The following TRIM66 variants were observed in gnomAD, a reference collection of about 807,000 sequenced individuals.
The protein encoded by TRIM66 is tripartite motif-containing protein 66.
TRIM66 carries 99 observed loss-of-function variants against 148.2 expected under a neutral mutation model. The ratio of observed to expected loss-of-function variants is 0.67; its 90% CI spans 0.57 to 0.79. TRIM66 has a LOEUF of 0.79. TRIM66 is among the 30% of genes least tolerant of loss of function. The pLI is 0.00. For synonymous variants in TRIM66, 616 were observed against 635.9 expected (o/e 0.97, Z 0.47); for missense variants, 1,666 against 1,697.9 (o/e 0.98, Z 0.33).
At chr11:8,621,571 A>C in intron 19 of TRIM66, 74 bp downstream of exon 19, 1 of 1,450,164 alleles carries the variant, frequency 6.9e-7, no homozygotes, top group Non-Finnish European at 9.1e-7. Context: ...CAGAGTCAGA[A>C]TTCGGGCAGT....
At chr11:8,643,447 C>A (rs1185658279) in intron 12 of TRIM66, among the ~76,000 whole-genome samples, 2 of 151,852 alleles carry the variant, frequency 1.3e-5, no homozygotes, top group Non-Finnish European at 2.9e-5. Flanking sequence ...TCACGCCATT[C>A]TCCTGCCTCA....
chr11:8,618,474 G>C (rs2033885280), intron 24 of TRIM66, among the ~76,000 whole-genome samples: 1 of 152,202 alleles, frequency 6.6e-6, no homozygotes, highest in Non-Finnish European at 1.5e-5. Flanking sequence ...CTGGGAATCA[G>C]GACAACTGGT....
intron 1 of TRIM66, among the ~76,000 whole-genome samples, chr11:8,681,741 A>C (rs1171702302): frequency 2.0e-5 from 3 of 152,030 alleles, no homozygotes; most frequent in Non-Finnish European, 4.4e-5. Flanking sequence ...ACAGTCCTTG[A>C]CCACATAAGG....
intron 6 of TRIM66, among the ~76,000 whole-genome samples, chr11:8,656,285 C>T (rs2037822446): frequency 6.6e-6 from 1 of 152,170 alleles, no homozygotes; most frequent in South Asian, 2.1e-4. Context: ...GTTATAAATA[C>T]ATATTTAAAT....
chr11:8,648,392 T>A, intron 9 of TRIM66, 24 bp downstream of exon 9: 2 of 1,550,396 alleles, frequency 1.3e-6, no homozygotes, highest in Non-Finnish European at 1.7e-6. Flanking sequence ...CCCCAGCCCA[T>A]TTCAGGCAGT....
At chr11:8,624,625 A>T in intron 16 of TRIM66, 74 bp from the exon 17 acceptor site, 1 of 1,479,452 alleles carries the variant, frequency 6.8e-7, no homozygotes, top group East Asian at 2.5e-5. Flanking sequence ...AGAACTGTTA[A>T]GCTAAGGTCA....
At chr11:8,683,163 T>A (rs768992297), upstream of TRIM66, 7 of 1,604,270 alleles carry the variant, frequency 4.4e-6, no homozygotes, top group Non-Finnish European at 6.0e-6. Flanking sequence ...CCCCTGCCCC[T>A]AATTCCTTAG....
At chr11:8,657,778 C>A (rs1207207796) in intron 6 of TRIM66, among the ~76,000 whole-genome samples, 1 of 152,200 alleles carries the variant, frequency 6.6e-6, no homozygotes, top group Non-Finnish European at 1.5e-5. Context: ...CAGAGCAGCA[C>A]CACCTTCAAG....
At chr11:8,683,013 T>C (rs2039517019), upstream of TRIM66, 2 of 869,814 alleles carry the variant, frequency 2.3e-6, no homozygotes, top group Non-Finnish European at 1.8e-6. Flanking sequence ...TTCGGATCTC[T>C]AGGACACGCG....
chr11:8,620,927 G>A, intron 20 of TRIM66, 105 bp downstream of exon 20: 1 of 1,412,092 alleles, frequency 7.1e-7, no homozygotes, highest in Non-Finnish European at 9.4e-7. Flanking sequence ...GTCCAGAAGA[G>A]GGGAGTAAGC....
At chr11:8,643,337 C>CTT (rs376014687) in intron 12 of TRIM66, among the ~76,000 whole-genome samples, 38 of 140,534 alleles carry the variant, frequency 2.7e-4, no homozygotes, top group Non-Finnish European at 3.4e-4. Context: ...AACCTACATT[C>CTT]TTTTTTTTTT....
At chr11:8,619,623 T>A in intron 22 of TRIM66, 88 bp from the exon 23 acceptor site, 1 of 1,247,582 alleles carries the variant, frequency 8.0e-7, no homozygotes, top group Non-Finnish European at 1.1e-6. Context: ...AAATGGAAAA[T>A]GAGGTGAAAT....
Position 8,647,980 on chromosome 11 carries a change from T to C in TRIM66, c.832A>G (p.Ile278Val). The change falls in exon 10 of 25, where the codon ATT (isoleucine) becomes GTT (valine). Residue 278 changes from isoleucine to valine, a missense_variant. Ile to Val is a conservative substitution (Grantham distance 29). Coordinates refer to ENST00000646038, the MANE Select transcript of TRIM66 (RefSeq NM_001388022.1). ...ACTAGCCTGTGCTACCTGTCCTCAA[T>C]TTGCTTTGCAGATGTCTGTAGACTG... The part of the protein sequence containing the change: ...KSSLQTSAKQ[I>V]EDRIFEVKHQ... 3.9e-6 allele frequency: 6 copies of C among 1,551,782 alleles called. No individual in the cohort carries two copies. The South Asian group carries it at 5.9e-5, about 15-fold the overall frequency.
chr11:8,666,302 G>A (rs2038588345), intron 6 of TRIM66, among the ~76,000 whole-genome samples: 1 of 127,030 alleles, frequency 7.9e-6, no homozygotes, highest in Non-Finnish European at 1.5e-5. Flanking sequence ...TCGCGCCATT[G>A]CAATCCAGCC....
chr11:8,658,940 A>G (rs1056678122), intron 6 of TRIM66: 2 of 353,098 alleles, frequency 5.7e-6, no homozygotes, highest in Non-Finnish European at 7.9e-6. Flanking sequence ...GCAGAGGATT[A>G]GGACTTCGGA....
chr11:8,616,160 G>C lies in TRIM66; in HGVS notation c.*1784C>G, dbSNP rs2141761944. 6.6e-6 allele frequency: 1 copy of C among 152,318 alleles called. No homozygotes were observed. The highest frequency in any genetic ancestry group is 2.1e-4 in the South Asian group (1 of 4,826). 9.4% of individuals were successfully genotyped at this position (152,318 alleles called of 1,614,324 possible). On this transcript the variant is annotated 3_prime_UTR_variant, in exon 25 of 25. Transcript: ENST00000646038. ...TCAGTTACCCCAAACTAGAAAACGGGATCACGGAAGCCCATCTGCTTAGAA... is the reference window on the plus strand; with the variant it reads ...TCAGTTACCCCAAACTAGAAAACGGCATCACGGAAGCCCATCTGCTTAGAA...
In TRIM66 at chr11:8,615,846, T is replaced by TC. The variant is rs1237887020; in HGVS notation, c.*2097dup. The stretch of plus-strand genomic sequence containing the variant: ...CTTTAAATTTGTGGTCTCCAATTGC[T>TC]CCTGAGGAAGGATCAGGTCTGAGCC... On this transcript the variant is annotated 3_prime_UTR_variant, in exon 25 of 25. Coordinates refer to ENST00000646038, the MANE Select transcript of TRIM66 (RefSeq NM_001388022.1). 1 of 152,152 alleles carries TC rather than the reference T, an allele frequency of 6.6e-6. No individual in the cohort carries two copies. The highest frequency in any genetic ancestry group is 1.9e-4 in the East Asian group (1 of 5,194). The allele number at this position is 152,152 out of a possible 1,614,324, so 9.4% of individuals were successfully genotyped here. A position where few individuals can be genotyped will look rare whatever the true frequency, so the allele number is the denominator to read the frequency against.
chr11:8,648,670 G>T, intron 8 of TRIM66, 122 bp from the exon 9 acceptor site: 1 of 1,252,970 alleles, frequency 8.0e-7, no homozygotes, highest in Non-Finnish European at 1.1e-6. Flanking sequence ...CTCGGGGGAA[G>T]TGTTATAAAC....
In TRIM66 at chr11:8,618,942, G is replaced by A; in HGVS notation, c.3927C>T (p.Gly1309=). 9 of 1,551,450 alleles carry A rather than the reference G, an allele frequency of 5.8e-6. No individual in the cohort carries two copies. Among genetic ancestry groups the A allele is most frequent in the Non-Finnish European group, 7.8e-6 (9 of 1,146,958 alleles). Residue 1309 remains glycine, a synonymous_variant, in exon 24 of 25, where the codon GGC becomes GGT. Transcript: ENST00000646038. ...NYPDSEVAEA[G]RCLEVFFEGW... ...CCTCAAAGAACACTTCCAGGCAGCG[G>A]CCAGCCTCTGCAACCTCGGAGTCAG...
Sources: allele counts gnomAD v4.1 joint callset (sites outside exome capture counted in the v4.1 genomes callset), GRCh38; gene constraint gnomAD v4.1.1; transcripts MANE v1.5; gene names NCBI Gene and HGNC (gene_info 2026-07-23, HGNC 2026-07-21).